Variants in TSGA10 observed in about 807,000 individuals in gnomAD.
The protein encoded by TSGA10 is testis-specific gene 10 protein.
TSGA10 carries 43 observed loss-of-function variants against 96.6 expected under a neutral mutation model. The ratio of observed to expected loss-of-function variants is 0.44; its 90% CI spans 0.35 to 0.57. TSGA10 has a LOEUF of 0.57. Among genes scored for constraint, TSGA10 ranks in the 20% least tolerant of loss-of-function variants. The pLI is 0.01. For synonymous variants in TSGA10, 229 were observed against 269.9 expected, an observed-to-expected ratio of 0.85 and a Z score of 1.48; for missense variants, 703 against 834.4, an observed-to-expected ratio of 0.84 and a Z score of 1.94.
intron 16 of TSGA10, among the ~76,000 whole-genome samples, chr2:99,050,471 T>C (rs1253167398): frequency 6.6e-6 from 1 of 152,088 alleles, no homozygotes; most frequent in Non-Finnish European, 1.5e-5. Context: ...ATATTTCTGG[T>C]CCCAAGCATT....
chr2:99,091,687 A>C (rs1193831111), intron 10 of TSGA10, among the ~76,000 whole-genome samples: 1 of 152,182 alleles, frequency 6.6e-6, no homozygotes, highest in African/African-American at 2.4e-5. Context: ...TGAAAACAAC[A>C]GCAGTTGAAA....
intron 12 of TSGA10, among the ~76,000 whole-genome samples, chr2:99,075,815 A>G (rs1412275885): frequency 6.6e-6 from 1 of 152,226 alleles, no homozygotes; most frequent in Non-Finnish European, 1.5e-5. Context: ...TAGATATAGC[A>G]CAAGAAAATG....
chr2:99,139,437 T>C (rs1248195742), intron 1 of TSGA10, among the ~76,000 whole-genome samples: 2 of 152,154 alleles, frequency 1.3e-5, no homozygotes, highest in Non-Finnish European at 2.9e-5. Flanking sequence ...GAATGGAAAA[T>C]ACTGGAGTAC....
At chr2:99,103,514 A>C (rs2091007474) in intron 10 of TSGA10, among the ~76,000 whole-genome samples, 1 of 152,172 alleles carries the variant, frequency 6.6e-6, no homozygotes, top group African/African-American at 2.4e-5. Flanking sequence ...CAATTAATAG[A>C]TGCTCCATCA....
intron 16 of TSGA10, among the ~76,000 whole-genome samples, chr2:99,054,353 CA>C (rs1268640939): frequency 6.6e-6 from 1 of 152,068 alleles, no homozygotes; most frequent in African/African-American, 2.4e-5. Flanking sequence ...TCAACATATA[CA>C]AAAATCAACT....
chr2:99,069,884 G>A (rs1213429907), intron 14 of TSGA10, among the ~76,000 whole-genome samples: 4 of 151,664 alleles, frequency 2.6e-5, no homozygotes, highest in Non-Finnish European at 5.9e-5. Flanking sequence ...ATAATACAGG[G>A]AAATATTTGC....
chr2:99,075,674 G>A (rs867242685), intron 12 of TSGA10, among the ~76,000 whole-genome samples: 4 of 152,092 alleles, frequency 2.6e-5, no homozygotes, highest in Middle Eastern at 3.2e-3. Context: ...TCCCTACAGA[G>A]GATGGATGTG....
chr2:99,016,676 G>A (rs1427830120), intron 20 of TSGA10, among the ~76,000 whole-genome samples: 1 of 152,170 alleles, frequency 6.6e-6, no homozygotes, highest in Non-Finnish European at 1.5e-5. Context: ...CTTCTGCACA[G>A]CAAAAGAAAT....
At chr2:99,100,120 A>T (rs919009099) in intron 10 of TSGA10, among the ~76,000 whole-genome samples, 2 of 152,212 alleles carry the variant, frequency 1.3e-5, no homozygotes, top group African/African-American at 4.8e-5. Flanking sequence ...TCTATGATTC[A>T]ACTCAATGCC....
chr2:99,002,108 G>C (rs59286792), intron 20 of TSGA10, among the ~76,000 whole-genome samples: 1 of 152,084 alleles, frequency 6.6e-6, no homozygotes, highest in Non-Finnish European at 1.5e-5. Flanking sequence ...AAGGCAGGCC[G>C]ACATTCAAAT....
chr2:99,042,472 T>G (rs1361739820), intron 16 of TSGA10, among the ~76,000 whole-genome samples: 5 of 152,028 alleles, frequency 3.3e-5, no homozygotes, highest in African/African-American at 4.8e-5. Context: ...CAGACGAGAT[T>G]TCCCTCACCT....
At chr2:99,021,580 C>G (rs1463983710) in intron 17 of TSGA10, among the ~76,000 whole-genome samples, 1 of 152,120 alleles carries the variant, frequency 6.6e-6, no homozygotes, top group Non-Finnish European at 1.5e-5. Flanking sequence ...GGCTTCTTAC[C>G]TCAACATTAC....
chr2:99,007,448 T>C (rs1380755033), intron 20 of TSGA10, among the ~76,000 whole-genome samples: 1 of 150,640 alleles, frequency 6.6e-6, no homozygotes, highest in East Asian at 1.9e-4. Context: ...AACAAGAAAA[T>C]AGGAGTGGCA....
chr2:99,104,644 T>C (rs1403988564), intron 9 of TSGA10, among the ~76,000 whole-genome samples: 1 of 152,096 alleles, frequency 6.6e-6, no homozygotes, highest in African/African-American at 2.4e-5. Context: ...CTGGCAAATT[T>C]TCATATTTTT....
chr2:99,034,930 C>A (rs1333207075), intron 17 of TSGA10, among the ~76,000 whole-genome samples: 4 of 152,106 alleles, frequency 2.6e-5, no homozygotes, highest in Non-Finnish European at 4.4e-5. Flanking sequence ...ATTAAAGTTA[C>A]AATTTAGCTA....
intron 16 of TSGA10, among the ~76,000 whole-genome samples, chr2:99,062,444 T>C (rs1209093065): frequency 6.6e-6 from 1 of 152,196 alleles, no homozygotes; most frequent in African/African-American, 2.4e-5. Context: ...GAAAGTTTTT[T>C]AAAACTTCAG....
chr2:99,116,450 A>G (rs2092269564), intron 4 of TSGA10, among the ~76,000 whole-genome samples: 2 of 152,082 alleles, frequency 1.3e-5, no homozygotes, highest in Admixed American at 1.3e-4. Context: ...AATCAATGAA[A>G]ACAAATAGTC....
intron 16 of TSGA10, among the ~76,000 whole-genome samples, chr2:99,063,765 C>T (rs1170705324): frequency 8.2e-6 from 1 of 122,298 alleles, no homozygotes; most frequent in Admixed American, 8.3e-5. Context: ...AAGATCACGC[C>T]ACTGCACTCC....
In TSGA10 at chr2:99,002,453, C is replaced by T. The variant is rs552406334; in HGVS notation, c.2073-4232G>A. Reference sequence around the variant, plus strand: ...CAGATGCTGAGAGATGTTGTCACCACCAGGCCTGCCCTAAAAGAGCTCCTG... The same window carrying T: ...CAGATGCTGAGAGATGTTGTCACCATCAGGCCTGCCCTAAAAGAGCTCCTG... On this transcript the variant is annotated intron_variant, in intron 20 of 20. Coordinates refer to ENST00000393483, the MANE Select transcript of TSGA10 (RefSeq NM_025244.4). 1.7e-4 allele frequency among the ~76,000 whole-genome samples: 26 copies of T among 152,250 alleles called. 1 individual carries two copies. In the South Asian group the frequency reaches 4.8e-3, roughly 28 times the overall value.
Sources: gnomAD v4.1 joint callset for allele counts (sites outside exome capture counted in the v4.1 genomes callset) on GRCh38, gnomAD v4.1.1 for gene constraint, MANE v1.5 for transcripts, NCBI Gene and HGNC (gene_info 2026-07-23, HGNC 2026-07-21) for gene names.